Variants in CADM2 observed in about 807,000 individuals in gnomAD.
CADM2 encodes cell adhesion molecule 2, also known as immunoglobulin superfamily member 4D.
CADM2 carries 12 observed loss-of-function variants against 49.8 expected under a neutral mutation model. That is an observed-to-expected ratio of 0.24 (90% CI 0.15 to 0.39). CADM2 has a LOEUF of 0.39. Ranked by LOEUF, CADM2 falls within the 10% of genes least tolerant of loss-of-function variation. The probability of loss-of-function intolerance (pLI) is 1.00; values close to 1 mark genes in which losing one functional copy is unlikely to be tolerated. For synonymous variants in CADM2, 214 were observed against 175.4 expected (o/e 1.22, Z -1.74); for missense variants, 378 against 492.3 (o/e 0.77, Z 2.20).
At chr3:86,022,866 A>G (rs924248734) in intron 8 of CADM2, among the ~76,000 whole-genome samples, 3 of 152,186 alleles carry the variant, frequency 2.0e-5, no homozygotes, top group Non-Finnish European at 4.4e-5. Context: ...AAATATGCAT[A>G]TGCATAAACG....
intron 2 of CADM2, among the ~76,000 whole-genome samples, chr3:85,778,527 C>T (rs1395565123): frequency 6.6e-6 from 1 of 151,984 alleles, no homozygotes; most frequent in East Asian, 1.9e-4. Flanking sequence ...TGGCATTTCC[C>T]CTGCTTGCAC....
At chr3:85,382,631 G>C (rs2033968928) in intron 1 of CADM2, among the ~76,000 whole-genome samples, 1 of 151,804 alleles carries the variant, frequency 6.6e-6, no homozygotes, top group African/African-American at 2.4e-5. Flanking sequence ...TATTTTCTTA[G>C]AGCATAACAA....
At chr3:85,517,061 CACTCTGGTTATTTTAAGCTTA>C (rs2060921601) in intron 1 of CADM2, among the ~76,000 whole-genome samples, 1 of 151,584 alleles carries the variant, frequency 6.6e-6, no homozygotes, top group Non-Finnish European at 1.5e-5. Flanking sequence ...ACAACTACAC[CACTCTGGTTATTTTAAGCTTA>C]AAAGAATAAT....
At chr3:85,676,076 T>C (rs568064570) in intron 1 of CADM2, among the ~76,000 whole-genome samples, 25 of 152,328 alleles carry the variant, frequency 1.6e-4, no homozygotes, top group African/African-American at 5.3e-4. Flanking sequence ...CTCATGGCTA[T>C]TGACACCACA....
chr3:86,014,661 C>A, intron 8 of CADM2: 2 of 1,563,808 alleles, frequency 1.3e-6, no homozygotes, highest in Non-Finnish European at 8.7e-7. Context: ...ATCTCTGGTA[C>A]CCTCAGTCAT....
intron 1 of CADM2, among the ~76,000 whole-genome samples, chr3:85,384,795 C>G (rs1486681222): frequency 6.6e-6 from 1 of 151,530 alleles, no homozygotes; most frequent in African/African-American, 2.4e-5. Context: ...CCTTTATAAA[C>G]AAAAGCTTTA....
intron 1 of CADM2, among the ~76,000 whole-genome samples, chr3:85,143,540 C>T (rs573175872): frequency 1.5e-4 from 23 of 152,208 alleles, no homozygotes; most frequent in African/African-American, 5.1e-4. Context: ...TTTCAACGAC[C>T]TTTTCACCTA....
intron 1 of CADM2, among the ~76,000 whole-genome samples, chr3:85,206,185 CTT>C (rs2041628527): frequency 6.6e-6 from 1 of 151,910 alleles, no homozygotes; most frequent in African/African-American, 2.4e-5. Flanking sequence ...ATTAATCTCA[CTT>C]TCCTCATTTG....
intron 1 of CADM2, among the ~76,000 whole-genome samples, chr3:85,337,902 C>G (rs751400214): frequency 1.3e-5 from 2 of 151,556 alleles, no homozygotes; most frequent in Admixed American, 6.6e-5. Context: ...ATATTTTAAT[C>G]TCTTAGAATG....
intron 1 of CADM2, among the ~76,000 whole-genome samples, chr3:85,006,636 G>A (rs527358798): frequency 6.6e-6 from 1 of 151,986 alleles, no homozygotes; most frequent in Admixed American, 6.6e-5. Flanking sequence ...TCCTCAGTTT[G>A]ATTATCTTTC....
At chr3:85,910,000 GC>G (rs1158130726) in intron 5 of CADM2, among the ~76,000 whole-genome samples, 4 of 151,996 alleles carry the variant, frequency 2.6e-5, no homozygotes, top group Non-Finnish European at 4.4e-5. Flanking sequence ...TATCACATAA[GC>G]CGATATTAAA....
intron 1 of CADM2, among the ~76,000 whole-genome samples, chr3:85,227,476 T>C (rs2042188629): frequency 6.6e-6 from 1 of 150,784 alleles, no homozygotes; most frequent in Non-Finnish European, 1.5e-5. Flanking sequence ...TTTTTTGATC[T>C]TCATTTGCTT....
At chr3:85,227,376 T>C (rs1270835029) in intron 1 of CADM2, among the ~76,000 whole-genome samples, 1 of 152,110 alleles carries the variant, frequency 6.6e-6, no homozygotes, top group Non-Finnish European at 1.5e-5. Context: ...TACCATTATG[T>C]AATGCCTTTC....
At chr3:85,783,800 T>C (rs1037189383) in intron 2 of CADM2, among the ~76,000 whole-genome samples, 1 of 152,198 alleles carries the variant, frequency 6.6e-6, no homozygotes, top group African/African-American at 2.4e-5. Context: ...ATTCTAAGCA[T>C]TTAGAACTTT....
intron 1 of CADM2, among the ~76,000 whole-genome samples, chr3:85,457,745 A>G (rs746293986): frequency 2.0e-5 from 3 of 152,184 alleles, no homozygotes; most frequent in Non-Finnish European, 4.4e-5. Context: ...TTGACACTAT[A>G]ATATTAAAGA....
chr3:85,422,360 C>T (rs2036211174), intron 1 of CADM2, among the ~76,000 whole-genome samples: 1 of 152,060 alleles, frequency 6.6e-6, no homozygotes, highest in Non-Finnish European at 1.5e-5. Context: ...TCACTGCAAG[C>T]TCCACTTCCC....
At chr3:85,979,085 T>C (rs1438632401) in intron 8 of CADM2, 35 of 1,485,784 alleles carry the variant, frequency 2.4e-5, no homozygotes, top group Non-Finnish European at 3.0e-5. Flanking sequence ...AAGTTATATG[T>C]ATTTATAATT....
intron 1 of CADM2, among the ~76,000 whole-genome samples, chr3:85,388,450 G>A (rs947253087): frequency 2.0e-5 from 3 of 152,180 alleles, no homozygotes; most frequent in South Asian, 2.1e-4. Context: ...GTTGAAGCTT[G>A]CAAAACTGTG....
chr3:85,369,567 C>T (rs937805413), intron 1 of CADM2, among the ~76,000 whole-genome samples: 7 of 151,986 alleles, frequency 4.6e-5, no homozygotes, highest in African/African-American at 9.7e-5. Flanking sequence ...GTCGGGAGTT[C>T]GAGACCAGCC....
Sources: gnomAD v4.1 joint callset for allele counts (sites outside exome capture counted in the v4.1 genomes callset) on GRCh38, gnomAD v4.1.1 for gene constraint, MANE v1.5 for transcripts, NCBI Gene and HGNC (gene_info 2026-07-23, HGNC 2026-07-21) for gene names.